The following SRD5A2 variants were observed in gnomAD, a reference collection of about 807,000 sequenced individuals.
SRD5A2 encodes the protein steroid 5 alpha-reductase 2.
A neutral mutation model predicts 27.4 loss-of-function variants in SRD5A2; 30 were observed. The ratio of observed to expected loss-of-function variants is 1.10; its 90% CI spans 0.82 to 1.49. The LOEUF (loss-of-function observed/expected upper bound fraction) is 1.49, where lower values mean the gene tolerates loss of function less well. SRD5A2 is among the 40% of genes most tolerant of loss of function. The pLI, the probability that SRD5A2 is intolerant of heterozygous loss-of-function variation, is 0.00. For missense variants in SRD5A2, 348 were observed against 323.4 expected (o/e 1.08, Z -0.58); for synonymous variants, 141 against 133.6 (o/e 1.06, Z -0.38).
Position 31,529,463 on chromosome 2 carries a change from T to A in SRD5A2, c.548-6A>T, listed in dbSNP as rs756730322. 14 of 1,611,164 alleles carry A rather than the reference T, an allele frequency of 8.7e-6. No homozygotes were observed. In the Admixed American group the frequency reaches 2.2e-4, roughly 25 times the overall value. On this transcript the variant is annotated splice_polypyrimidine_tract_variant and splice_region_variant and intron_variant, in intron 3 of 4. Coordinates refer to ENST00000622030, the MANE Select transcript of SRD5A2 (RefSeq NM_000348.4). ...AACATACGTAAACAAGCCACCTGCG[T>A]GCAGAAGAATCGGAAGGTCAATCAT... is the stretch of plus-strand genomic sequence containing the variant.
At chr2:31,589,749 G>C in the SRD5A2 span, among the ~76,000 whole-genome samples, 178 of 152,186 alleles carry the variant, frequency 1.2e-3, 1 homozygote, top group Middle Eastern at 0.02. Flanking sequence ...GAAACGGGGT[G>C]GGGGGCAAAT....
chr2:31,646,525 C>CA, the SRD5A2 span, among the ~76,000 whole-genome samples: 1 of 152,108 alleles, frequency 6.6e-6, no homozygotes, highest in Admixed American at 6.5e-5. Context: ...GAGAGGCAAA[C>CA]ACCCCTTTGG....
At chr2:31,536,985 T>C (rs1472420598) in intron 1 of SRD5A2, among the ~76,000 whole-genome samples, 1 of 152,192 alleles carries the variant, frequency 6.6e-6, no homozygotes. Context: ...AAATATTCAT[T>C]TGGGGGGATT....
At chr2:31,544,005 A>C (rs575633468) in intron 1 of SRD5A2, among the ~76,000 whole-genome samples, 1 of 152,210 alleles carries the variant, frequency 6.6e-6, no homozygotes, top group Admixed American at 6.5e-5. Context: ...ATGACATTTC[A>C]TGCAAATGGA....
At chr2:31,658,666 C>T in the SRD5A2 span, among the ~76,000 whole-genome samples, 1 of 151,736 alleles carries the variant, frequency 6.6e-6, no homozygotes, top group African/African-American at 2.4e-5. Context: ...CAAGGTTGAA[C>T]CAGGAAGAAA....
chr2:31,574,413 C>T (rs1409046567), intron 1 of SRD5A2, among the ~76,000 whole-genome samples: 2 of 152,138 alleles, frequency 1.3e-5, no homozygotes, highest in African/African-American at 2.4e-5. Context: ...GAATTCCCAT[C>T]GTAATTCTTT....
chr2:31,605,717 C>G, the SRD5A2 span, among the ~76,000 whole-genome samples: 1 of 151,306 alleles, frequency 6.6e-6, no homozygotes, highest in African/African-American at 2.4e-5. Context: ...TTAATATAAC[C>G]ACTATGGCGA....
the SRD5A2 span, among the ~76,000 whole-genome samples, chr2:31,621,224 C>T: frequency 3.3e-5 from 5 of 151,846 alleles, no homozygotes; most frequent in Admixed American, 1.3e-4. Context: ...ACAAAGGTTC[C>T]TTAGTTTGCC....
chr2:31,624,064 C>CT, the SRD5A2 span, among the ~76,000 whole-genome samples: 1 of 151,746 alleles, frequency 6.6e-6, no homozygotes, highest in Non-Finnish European at 1.5e-5. Context: ...CTGAAATTTT[C>CT]TTTTTTTGTT....
In SRD5A2 at chr2:31,526,096, C is replaced by CATATATAT; in HGVS notation, c.*99_*100insATATATAT. 1.5e-6 allele frequency: 1 copy of CATATATAT among 667,754 alleles called. No individual in the cohort carries two copies. Among genetic ancestry groups the CATATATAT allele is most frequent in the South Asian group, 2.1e-5 (1 of 47,694 alleles). The allele number at this position is 667,754 out of a possible 1,614,324, so 41.4% of individuals were successfully genotyped here. A position where few individuals can be genotyped will look rare whatever the true frequency, so the allele number is the denominator to read the frequency against. ...CAGAACGCCAGGAGACCTACTATTA[C>CATATATAT]ATATATACGGGACTATTATATCATG... is the stretch of plus-strand genomic sequence containing the variant. On this transcript the variant is annotated 3_prime_UTR_variant, in exon 5 of 5. Transcript: ENST00000622030.
rs763681675 is a variant in SRD5A2 at position 31,580,894 on chromosome 2, C to T, written c.7G>A (p.Val3Ile). MQVQCQQSPVLAG... is the reference protein window; with the variant it reads MQIQCQQSPVLAG... ...AGCACTGGGCTCTGCTGGCACTGAACCTGCATCGCGCCGTGTTCCTCGCCG... is the reference window on the plus strand; with the variant it reads ...AGCACTGGGCTCTGCTGGCACTGAATCTGCATCGCGCCGTGTTCCTCGCCG... The change falls in exon 1 of 5, where the codon GTT (valine) becomes ATT (isoleucine). Residue 3 changes from valine to isoleucine, a missense_variant. By Grantham distance (29) the Val-to-Ile change is conservative (BLOSUM62 3). Transcript: ENST00000622030. 2.5e-6 allele frequency: 4 copies of T among 1,600,206 alleles called. No individual in the cohort carries two copies. The highest frequency in any genetic ancestry group is 2.7e-5 in the African/African-American group (2 of 74,670).
chr2:31,559,634 G>A (rs1358947921), intron 1 of SRD5A2, among the ~76,000 whole-genome samples: 2 of 152,044 alleles, frequency 1.3e-5, no homozygotes, highest in African/African-American at 2.4e-5. Flanking sequence ...TGTATAAAGT[G>A]CTGTAAGATG....
At chr2:31,654,612 AAAAT>A in the SRD5A2 span, among the ~76,000 whole-genome samples, 3 of 152,164 alleles carry the variant, frequency 2.0e-5, no homozygotes, top group African/African-American at 4.8e-5. Context: ...CTTGGATTCT[AAAAT>A]AAATAAATAA....
At chr2:31,578,800 G>A (rs923839937) in intron 1 of SRD5A2, among the ~76,000 whole-genome samples, 3 of 151,660 alleles carry the variant, frequency 2.0e-5, no homozygotes, top group Admixed American at 6.6e-5. Flanking sequence ...TTTTTTAAAT[G>A]CACCGGTCAT....
chr2:31,643,697 A>G, the SRD5A2 span, among the ~76,000 whole-genome samples: 1 of 152,314 alleles, frequency 6.6e-6, no homozygotes, highest in East Asian at 1.9e-4. Flanking sequence ...AGAAGTGCTC[A>G]CAGAATTATG....
In SRD5A2 at chr2:31,525,140, C is replaced by G. The variant is rs28383085; in HGVS notation, c.*1056G>C. The G allele has an allele frequency of 0.043, 9,505 of 220,364 alleles. 354 individuals carry two copies. Among genetic ancestry groups the G allele is most frequent in the Admixed American group, 0.13 (2,166 of 17,294 alleles). 13.7% of individuals were successfully genotyped at this position (220,364 alleles called of 1,614,324 possible). A position where few individuals can be genotyped will look rare whatever the true frequency, so the allele number is the denominator to read the frequency against. On this transcript the variant is annotated 3_prime_UTR_variant, in exon 5 of 5. Coordinates refer to ENST00000622030, the MANE Select transcript of SRD5A2 (RefSeq NM_000348.4). ...AATTTTCAGTCTCTGCCTGCAGGTC[C>G]TTTGAGGGAGGCATTCAGGCTGCCC...
chr2:31,570,717 T>C (rs1666832704), intron 1 of SRD5A2, among the ~76,000 whole-genome samples: 1 of 152,144 alleles, frequency 6.6e-6, no homozygotes, highest in African/African-American at 2.4e-5. Flanking sequence ...TTACTAGCAT[T>C]CCTATACACC....
At chr2:31,557,815 T>C (rs1270880230) in intron 1 of SRD5A2, among the ~76,000 whole-genome samples, 3 of 152,194 alleles carry the variant, frequency 2.0e-5, no homozygotes, top group Non-Finnish European at 4.4e-5. Flanking sequence ...AGCTTCCTTA[T>C]ATTCTCCTGA....
intron 4 of SRD5A2, among the ~76,000 whole-genome samples, chr2:31,528,144 G>A (rs1396058151): frequency 2.0e-5 from 3 of 152,162 alleles, no homozygotes; most frequent in African/African-American, 4.8e-5. Flanking sequence ...CCTTCAGAGG[G>A]AGGGTTCTGA....
Sources: gnomAD v4.1 joint callset for allele counts (sites outside exome capture counted in the v4.1 genomes callset) on GRCh38, gnomAD v4.1.1 for gene constraint, MANE v1.5 for transcripts, NCBI Gene and HGNC (gene_info 2026-07-23, HGNC 2026-07-21) for gene names.